Variants in REDIC1 observed in about 807,000 individuals in gnomAD.
REDIC1 encodes the protein regulator of DNA class I crossover intermediates 1.
At chr12:39,648,052 T>C in the REDIC1 span, 1 of 1,041,290 alleles carries the variant, frequency 9.6e-7, no homozygotes, top group Non-Finnish European at 1.3e-6. Context: ...TTTTTATAGA[T>C]TTAAAATATT....
the REDIC1 span, among the ~76,000 whole-genome samples, chr12:39,643,249 G>A: frequency 6.6e-6 from 1 of 151,640 alleles, no homozygotes; most frequent in East Asian, 1.9e-4. Flanking sequence ...TGATAATTAT[G>A]TGCAAGTCTT....
the REDIC1 span, among the ~76,000 whole-genome samples, chr12:39,696,149 G>A: frequency 6.6e-6 from 1 of 152,054 alleles, no homozygotes; most frequent in South Asian, 2.1e-4. Flanking sequence ...CCCAGACTGT[G>A]AAGACTGCAA....
the REDIC1 span, among the ~76,000 whole-genome samples, chr12:39,809,673 C>T: frequency 6.6e-6 from 1 of 152,116 alleles, no homozygotes; most frequent in Non-Finnish European, 1.5e-5. Context: ...CACCCCACAA[C>T]AGTCTCTGGT....
chr12:39,679,267 T>C, the REDIC1 span, among the ~76,000 whole-genome samples: 2 of 152,250 alleles, frequency 1.3e-5, no homozygotes, highest in African/African-American at 4.8e-5. Flanking sequence ...CCTAAGGACT[T>C]ATCCAAAAAG....
chr12:39,835,258 A>C, the REDIC1 span, among the ~76,000 whole-genome samples: 1 of 152,070 alleles, frequency 6.6e-6, no homozygotes, highest in Non-Finnish European at 1.5e-5. Context: ...ATTGTCTAAC[A>C]ATCCACCCAG....
At chr12:39,798,219 G>C in the REDIC1 span, among the ~76,000 whole-genome samples, 1,625 of 152,232 alleles carry the variant, frequency 0.011, 25 homozygotes, top group African/African-American at 0.036. Flanking sequence ...CCTTGGAAGT[G>C]GATCCTTCAG....
At chr12:39,829,919 A>C in the REDIC1 span, 1 of 752,466 alleles carries the variant, frequency 1.3e-6, no homozygotes, top group Non-Finnish European at 2.1e-6. Context: ...AGTGCTTTCT[A>C]CTCTGTGTGA....
At chr12:39,834,440 C>G in the REDIC1 span, among the ~76,000 whole-genome samples, 1 of 152,016 alleles carries the variant, frequency 6.6e-6, no homozygotes, top group Non-Finnish European at 1.5e-5. Context: ...TAACCAGGAC[C>G]AACACCAAGT....
the REDIC1 span, among the ~76,000 whole-genome samples, chr12:39,639,895 A>G: frequency 6.6e-6 from 1 of 151,900 alleles, no homozygotes; most frequent in Admixed American, 6.6e-5. Flanking sequence ...TGCATGTCTA[A>G]AAGTTATGTA....
At chr12:39,634,882 A>G in the REDIC1 span, among the ~76,000 whole-genome samples, 1 of 152,200 alleles carries the variant, frequency 6.6e-6, no homozygotes, top group South Asian at 2.1e-4. Context: ...TTTGCTATCT[A>G]CCCGTCAGAC....
the REDIC1 span, among the ~76,000 whole-genome samples, chr12:39,775,140 G>A: frequency 5.3e-5 from 8 of 152,062 alleles, no homozygotes; most frequent in Non-Finnish European, 1.0e-4. Flanking sequence ...GATTAACATA[G>A]ATAGAGAATT....
chr12:39,696,003 G>A, the REDIC1 span, among the ~76,000 whole-genome samples: 1 of 152,168 alleles, frequency 6.6e-6, no homozygotes, highest in Non-Finnish European at 1.5e-5. Flanking sequence ...GACAATCAAG[G>A]CAGTATGTCT....
At chr12:39,745,874 C>G in the REDIC1 span, 1 of 152,224 alleles carries the variant, frequency 6.6e-6, no homozygotes, top group Non-Finnish European at 1.5e-5. Context: ...GGAAAAACTT[C>G]CGCTATTCCT....
At chr12:39,762,535 T>C in the REDIC1 span, among the ~76,000 whole-genome samples, 1 of 151,666 alleles carries the variant, frequency 6.6e-6, no homozygotes, top group African/African-American at 2.4e-5. Flanking sequence ...ATAAACATTA[T>C]TGAATGGGGG....
the REDIC1 span, among the ~76,000 whole-genome samples, chr12:39,699,445 G>A: frequency 6.6e-6 from 1 of 152,234 alleles, no homozygotes; most frequent in Admixed American, 6.5e-5. Flanking sequence ...GGCTCAGAGG[G>A]TCCTACGCCC....
chr12:39,807,370 C>T, the REDIC1 span, among the ~76,000 whole-genome samples: 1 of 152,152 alleles, frequency 6.6e-6, no homozygotes, highest in African/African-American at 2.4e-5. Flanking sequence ...TGAACACAAT[C>T]AGTGGATTGA....
At chr12:39,749,617 A>G in the REDIC1 span, among the ~76,000 whole-genome samples, 2 of 152,208 alleles carry the variant, frequency 1.3e-5, no homozygotes, top group East Asian at 3.9e-4. Flanking sequence ...GACACAACAT[A>G]AGAGAATTTT....
chr12:39,746,671 C>A, the REDIC1 span, among the ~76,000 whole-genome samples: 3 of 152,314 alleles, frequency 2.0e-5, no homozygotes, highest in African/African-American at 7.2e-5. Context: ...CTGGGAGGGA[C>A]CCCCAAGTAG....
the REDIC1 span, among the ~76,000 whole-genome samples, chr12:39,774,605 T>G: frequency 6.6e-6 from 1 of 151,848 alleles, no homozygotes; most frequent in African/African-American, 2.4e-5. Flanking sequence ...TTTTTTGGTT[T>G]TGTAATTTTC....
Sources: allele counts gnomAD v4.1 joint callset (sites outside exome capture counted in the v4.1 genomes callset), GRCh38; gene constraint gnomAD v4.1.1; transcripts MANE v1.5; gene names NCBI Gene and HGNC (gene_info 2026-07-23, HGNC 2026-07-21).